Variants in DSG1 observed in about 807,000 individuals in gnomAD.
DSG1 encodes desmoglein 1.
A neutral mutation model predicts 97.5 loss-of-function variants in DSG1; 39 were observed. That is an observed-to-expected ratio of 0.40 (90% CI 0.31 to 0.52). DSG1 has a LOEUF of 0.52. DSG1 is among the 20% of genes least tolerant of loss of function. The pLI, the probability that DSG1 is intolerant of heterozygous loss-of-function variation, is 0.53. For missense variants in DSG1, 1,311 were observed against 1,295.4 expected, an observed-to-expected ratio of 1.01 and a Z score of -0.18; for synonymous variants, 475 against 443.4, an observed-to-expected ratio of 1.07 and a Z score of -0.90.
chr18:31,352,045 A>G (rs1022213060), intron 14 of DSG1, among the ~76,000 whole-genome samples: 1 of 150,796 alleles, frequency 6.6e-6, no homozygotes, highest in African/African-American at 2.5e-5. Flanking sequence ...TCGTTAGTTG[A>G]TGCAGTTTCT....
At position 31,338,442 on chromosome 18, in the gene DSG1, C is replaced by A; in HGVS notation, c.1393C>A (p.Leu465Ile). The change falls in exon 10 of 15, where the codon CTC becomes ATC. Residue 465 changes from leucine to isoleucine, a missense_variant. By Grantham distance (5) the Leu-to-Ile change is conservative (BLOSUM62 2). Around this residue, in one of 3 missense-constraint regions of DSG1, gnomAD observed 1,038 missense variants for 964.6 expected, o/e 1.08. Coordinates refer to ENST00000257192, the MANE Select transcript of DSG1 (RefSeq NM_001942.4). ...MLGGKYQGTI[L>I]SIDDNLQRTC... ...CGGAGGAAAATACCAAGGAACGATTCTCTCTATAGATGGTAAGAAATTAAT... is the reference window on the plus strand; with the variant it reads ...CGGAGGAAAATACCAAGGAACGATTATCTCTATAGATGGTAAGAAATTAAT... The A allele has an allele frequency of 6.2e-7, 1 of 1,613,258 alleles. No individual in the cohort carries two copies. The highest frequency in any genetic ancestry group is 8.5e-7 in the Non-Finnish European group (1 of 1,179,374).
At chr18:31,338,546 C>A (rs1048483349) in intron 10 of DSG1, 92 bp downstream of exon 10, 17 of 1,407,494 alleles carry the variant, frequency 1.2e-5, no homozygotes, top group African/African-American at 4.3e-5. Flanking sequence ...TTGAAGTAAC[C>A]CCTTTCCAAC....
chr18:31,325,564 C>A (rs1260557447), intron 1 of DSG1, among the ~76,000 whole-genome samples: 1 of 152,098 alleles, frequency 6.6e-6, no homozygotes, highest in African/African-American at 2.4e-5. Context: ...CTACAGATAA[C>A]ATTTCAGTTA....
intron 9 of DSG1, among the ~76,000 whole-genome samples, chr18:31,337,320 G>A (rs373577578): frequency 6.6e-6 from 1 of 152,080 alleles, no homozygotes; most frequent in Non-Finnish European, 1.5e-5. Flanking sequence ...GCAGTGGCAC[G>A]ATCCCGGTTC....
rs771702171 is a variant in DSG1 at position 31,346,041 on chromosome 18, G to A, written c.1943G>A (p.Gly648Glu). Residue 648 changes from glycine (G) to glutamate (E), a missense_variant, in exon 14 of 15, where the codon GGA becomes GAA. By Grantham distance (98) the Gly-to-Glu change is moderately conservative (BLOSUM62 -2). Around this residue, in one of 3 missense-constraint regions of DSG1, gnomAD observed 1,038 missense variants for 964.6 expected, o/e 1.08. Transcript: ENST00000257192. ...GGREMQDLGG[G>E]ERMTGFELTE... ...AGAGAAATGCAAGATCTGGGAGGAG[G>A]AGAGAGAATGACAGGATTTGAACTA... 6.2e-7 allele frequency: 1 copy of A among 1,613,920 alleles called. No individual in the cohort carries two copies. Among genetic ancestry groups the A allele is most frequent in the Non-Finnish European group, 8.5e-7 (1 of 1,179,866 alleles).
chr18:31,346,180 G>T lies in DSG1; in HGVS notation c.2082G>T (p.Met694Ile), dbSNP rs1315903975. 6.2e-7 allele frequency: 1 copy of T among 1,613,586 alleles called. No homozygotes were observed. Among genetic ancestry groups the T allele is most frequent in the Non-Finnish European group, 8.5e-7 (1 of 1,179,676 alleles). Residue 694 changes from methionine (M) to isoleucine (I), a missense_variant, in exon 14 of 15, where the codon ATG becomes ATT. Met to Ile is a conservative substitution (Grantham distance 10). Coordinates refer to ENST00000257192, the MANE Select transcript of DSG1 (RefSeq NM_001942.4). ...CREGGLNMNFMESYFCQKAYA... is the reference protein window; with the variant it reads ...CREGGLNMNFIESYFCQKAYA... ...AAGGAGGTCTGAATATGAATTTCAT[G>T]GAAAGCTACTTCTGTCAGGTAAGGT...
intron 5 of DSG1, among the ~76,000 whole-genome samples, chr18:31,330,404 T>C (rs2071713298): frequency 6.6e-6 from 1 of 152,136 alleles, no homozygotes; most frequent in African/African-American, 2.4e-5. Context: ...TTTTCCCCTT[T>C]TTTAAAGTTA....
In DSG1 at chr18:31,346,079, A is replaced by G. The variant is rs752780756; in HGVS notation, c.1981A>G (p.Lys661Glu). 6.2e-7 allele frequency: 1 copy of G among 1,613,840 alleles called. No individual in the cohort carries two copies. The highest frequency in any genetic ancestry group is 1.7e-5 in the Admixed American group (1 of 59,990). The change falls in exon 14 of 15, where the codon AAA becomes GAA. Residue 661 changes from lysine (K) to glutamate (E), a missense_variant. Physicochemically the swap from Lys to Glu is moderately conservative, Grantham distance 56 (BLOSUM62 1). Around this residue, in one of 3 missense-constraint regions of DSG1, gnomAD observed 1,038 missense variants for 964.6 expected, o/e 1.08. Coordinates refer to ENST00000257192, the MANE Select transcript of DSG1 (RefSeq NM_001942.4). ...MTGFELTEGV[K>E]TSGMPEICQE... is the part of the protein sequence containing the mutation. ...AGGATTTGAACTAACAGAGGGAGTTAAAACTTCAGGAATGCCTGAGATATG... is the reference window on the plus strand; with the variant it reads ...AGGATTTGAACTAACAGAGGGAGTTGAAACTTCAGGAATGCCTGAGATATG...
intron 13 of DSG1, 36 bp from the exon 14 acceptor site, chr18:31,345,954 T>C (rs1244198313): frequency 6.4e-7 from 1 of 1,568,332 alleles, no homozygotes; most frequent in Admixed American, 1.7e-5. Context: ...TATGATAGAC[T>C]AAAGAAAATA....
rs375396241 is a variant in DSG1 at position 31,331,846 on chromosome 18, G to T, written c.663G>T (p.Met221Ile). 25 of 1,612,230 alleles carry T rather than the reference G, an allele frequency of 1.6e-5. No homozygotes were observed. The African/African-American group carries it at 2.8e-4, about 18-fold the overall frequency. Residue 221 changes from methionine to isoleucine, a missense_variant, in exon 6 of 15, where the codon ATG becomes ATT. Around this residue, in one of 3 missense-constraint regions of DSG1, gnomAD observed 259 missense variants for 304.1 expected, o/e 0.85. Coordinates refer to ENST00000257192, the MANE Select transcript of DSG1 (RefSeq NM_001942.4). Reference sequence around the variant, plus strand: ...GAAATACTGGAGAAATTCGAACGATGAATAATTTTCTAGACAGAGAGGTAA... The same window carrying T: ...GAAATACTGGAGAAATTCGAACGATTAATAATTTTCTAGACAGAGAGGTAA... ...INRNTGEIRT[M>I]NNFLDREQYG...
chr18:31,322,280 C>T (rs1385198652), intron 1 of DSG1, among the ~76,000 whole-genome samples: 2 of 152,230 alleles, frequency 1.3e-5, no homozygotes, highest in Middle Eastern at 3.2e-3. Context: ...TCTAATCACA[C>T]ACAGCAGAGG....
chr18:31,321,202 G>C (rs1267490458), intron 1 of DSG1, among the ~76,000 whole-genome samples: 1 of 151,998 alleles, frequency 6.6e-6, no homozygotes, highest in Non-Finnish European at 1.5e-5. Flanking sequence ...GTTTTTAAGA[G>C]TACTTTCATC....
intron 14 of DSG1, 108 bp downstream of exon 14, chr18:31,346,306 T>C (rs987487327): frequency 2.2e-6 from 2 of 915,808 alleles, no homozygotes; most frequent in Admixed American, 3.6e-5. Flanking sequence ...CTAACTAGAT[T>C]CTCAGCCTTT....
chr18:31,320,633 A>G (rs1002315624), intron 1 of DSG1, among the ~76,000 whole-genome samples: 3 of 152,246 alleles, frequency 2.0e-5, no homozygotes, highest in Admixed American at 2.0e-4. Flanking sequence ...TACACCTGCT[A>G]TAACACTGCA....
In DSG1 at chr18:31,357,184, A is replaced by G. The variant is rs192129543; in HGVS notation, c.*1838A>G. 5.3e-5 allele frequency among the ~76,000 whole-genome samples: 8 copies of G among 152,118 alleles called. No homozygotes were observed. Among genetic ancestry groups the G allele is most frequent in the Admixed American group, 1.3e-4 (2 of 15,276 alleles). ...GAGCTATTTTGCTCTGTAACAACAG[A>G]TAAGGCTAATATTTTAAAAGCCACA... is the stretch of plus-strand genomic sequence containing the variant. On this transcript the variant is annotated 3_prime_UTR_variant, in exon 15 of 15. Transcript: ENST00000257192.
chr18:31,325,356 T>A (rs541149544), intron 1 of DSG1, among the ~76,000 whole-genome samples: 1 of 152,282 alleles, frequency 6.6e-6, no homozygotes, highest in East Asian at 1.9e-4. Context: ...GGAAGCGCAA[T>A]AACAGATAAC....
chr18:31,326,671 A>G, intron 2 of DSG1, 55 bp downstream of exon 2: 1 of 1,466,782 alleles, frequency 6.8e-7, no homozygotes, highest in South Asian at 1.2e-5. Context: ...ATAATTTGAG[A>G]ATAACAATAT....
intron 1 of DSG1, among the ~76,000 whole-genome samples, chr18:31,322,820 T>C (rs2071662382): frequency 6.6e-6 from 1 of 152,172 alleles, no homozygotes. Context: ...ATTTTTTAAA[T>C]AAAAATAGCT....
In DSG1 at chr18:31,318,356, G is replaced by T. The variant is rs377318090; in HGVS notation, c.48+8G>T. 1.9e-6 allele frequency: 3 copies of T among 1,611,666 alleles called. No individual in the cohort carries two copies. Among genetic ancestry groups the T allele is most frequent in the African/African-American group, 1.3e-5 (1 of 74,986 alleles). The stretch of plus-strand genomic sequence containing the variant: ...ATGCTGTTCATTTTTCTGGTGAGTG[G>T]ATTCTGGTAAAAGTCCTTCATAATC... On this transcript the variant is annotated splice_region_variant and intron_variant, in intron 1 of 14. Coordinates refer to ENST00000257192, the MANE Select transcript of DSG1 (RefSeq NM_001942.4).
Sources: gnomAD v4.1 joint callset for allele counts (sites outside exome capture counted in the v4.1 genomes callset) on GRCh38, gnomAD v4.1.1 for gene constraint, gnomAD v4.1.1 regional missense constraint, MANE v1.5 for transcripts, NCBI Gene and HGNC (gene_info 2026-07-23, HGNC 2026-07-21) for gene names.